TLCD4: variants seen among roughly 807,000 people sequenced by gnomAD.
The protein encoded by TLCD4 is TLC domain containing 4.
In TLCD4, 7 loss-of-function variants were observed where a neutral mutation model predicts 24.2. The ratio of observed to expected loss-of-function variants is 0.29; its 90% confidence interval spans 0.16 to 0.54. TLCD4 has a LOEUF of 0.54. TLCD4 is among the 20% of genes least tolerant of loss of function. The probability of loss-of-function intolerance (pLI) is 0.95; values close to 1 mark genes in which losing one functional copy is unlikely to be tolerated. For missense variants in TLCD4, 259 were observed against 313.9 expected (o/e 0.82, Z 1.32); for synonymous variants, 103 against 106.4 (o/e 0.97, Z 0.20).
chr1:95,168,415 G>T (rs926790646), intron 5 of TLCD4, among the ~76,000 whole-genome samples: 6 of 151,912 alleles, frequency 3.9e-5, no homozygotes, highest in African/African-American at 1.5e-4. Context: ...AACTCTAAAT[G>T]TATCAGTGTT....
chr1:95,182,075 G>C (rs1447008827), intron 6 of TLCD4, among the ~76,000 whole-genome samples: 3 of 152,126 alleles, frequency 2.0e-5, no homozygotes, highest in African/African-American at 7.2e-5. Flanking sequence ...AAGTCTTTAA[G>C]TATTGAGAGG....
intron 5 of TLCD4, among the ~76,000 whole-genome samples, chr1:95,173,341 G>A (rs1487583533): frequency 3.4e-5 from 5 of 148,984 alleles, no homozygotes; most frequent in Non-Finnish European, 7.4e-5. Context: ...ACGGAGTCTC[G>A]CTCTGTCGCC....
At chr1:95,158,284 G>T (rs1677687660) in intron 5 of TLCD4, among the ~76,000 whole-genome samples, 1 of 150,586 alleles carries the variant, frequency 6.6e-6, no homozygotes, top group African/African-American at 2.4e-5. Flanking sequence ...ACCTCCCAGG[G>T]CCAAGCGATC....
intron 5 of TLCD4, among the ~76,000 whole-genome samples, chr1:95,166,184 C>G (rs11803577): frequency 1.3e-5 from 2 of 152,114 alleles, no homozygotes; most frequent in African/African-American, 4.8e-5. Context: ...GTAGTCCACC[C>G]TAAGCTGAGG....
intron 6 of TLCD4, among the ~76,000 whole-genome samples, chr1:95,179,970 C>CAGTAT (rs1678576335): frequency 6.6e-6 from 1 of 152,204 alleles, no homozygotes; most frequent in African/African-American, 2.4e-5. Context: ...GTGTATATTA[C>CAGTAT]TATACTTAAT....
the TLCD4 span, among the ~76,000 whole-genome samples, chr1:95,111,219 T>C: frequency 6.6e-6 from 1 of 151,616 alleles, no homozygotes; most frequent in Non-Finnish European, 1.5e-5. Flanking sequence ...GCTTGAGCCC[T>C]GCAGCTCAAG....
chr1:95,163,210 CTT>C (rs1284018239), intron 5 of TLCD4: 1 of 152,136 alleles, frequency 6.6e-6, no homozygotes, highest in Admixed American at 6.5e-5. Context: ...TCTTTTTACT[CTT>C]TTTTCTCTAA....
rs1679082403 is a variant in TLCD4, at chr1:95,193,191, A to G, written c.*1323A>G. 6.6e-6 allele frequency: 1 copy of G among 152,076 alleles called. No homozygotes were observed. Among genetic ancestry groups the G allele is most frequent in the African/African-American group, 2.4e-5 (1 of 41,420 alleles). 9.4% of individuals were successfully genotyped at this position (152,076 alleles called of 1,614,324 possible). On this transcript the variant is annotated 3_prime_UTR_variant, in exon 7 of 7. Coordinates refer to ENST00000370203, the MANE Select transcript of TLCD4 (RefSeq NM_152487.3). The stretch of plus-strand genomic sequence containing the variant: ...TTACTCACAATTCATACCCGTGCTT[A>G]CTTAGTTGGCATTTTAGTGCTTTGA...
chr1:95,160,735 C>T (rs920585247), intron 5 of TLCD4, among the ~76,000 whole-genome samples: 1 of 152,132 alleles, frequency 6.6e-6, no homozygotes, highest in Non-Finnish European at 1.5e-5. Flanking sequence ...TTGTCGAAGG[C>T]CTTTTCTGCA....
the TLCD4 span, among the ~76,000 whole-genome samples, chr1:95,093,037 C>A: frequency 2.0e-5 from 3 of 152,228 alleles, no homozygotes; most frequent in East Asian, 3.8e-4. Context: ...CCACACTTGG[C>A]CTTGTACTAA....
intron 1 of TLCD4, among the ~76,000 whole-genome samples, chr1:95,137,502 A>G (rs1461901877): frequency 1.3e-5 from 2 of 152,108 alleles, no homozygotes; most frequent in Non-Finnish European, 2.9e-5. Flanking sequence ...TATATTCTCT[A>G]AGGAATCCCT....
intron 5 of TLCD4, among the ~76,000 whole-genome samples, chr1:95,156,972 G>A (rs888570507): frequency 1.3e-5 from 2 of 152,172 alleles, no homozygotes; most frequent in South Asian, 2.1e-4. Flanking sequence ...AGGATAACTC[G>A]GAAGGTAGAA....
the TLCD4 span, among the ~76,000 whole-genome samples, chr1:95,098,709 C>T: frequency 2.6e-5 from 4 of 152,064 alleles, no homozygotes; most frequent in Admixed American, 6.6e-5. Context: ...TGTGGTCTTG[C>T]GTCTCAGTGG....
intron 5 of TLCD4, among the ~76,000 whole-genome samples, chr1:95,155,034 G>A (rs1425716742): frequency 6.6e-6 from 1 of 151,956 alleles, no homozygotes; most frequent in Non-Finnish European, 1.5e-5. Flanking sequence ...GCAGTGCAGT[G>A]TAGTGTAGTA....
intron 1 of TLCD4, among the ~76,000 whole-genome samples, chr1:95,143,513 T>A (rs1677262372): frequency 6.6e-6 from 1 of 152,180 alleles, no homozygotes. Flanking sequence ...ATATCATAGA[T>A]GAGAAATTGA....
intron 6 of TLCD4, among the ~76,000 whole-genome samples, chr1:95,177,754 A>G (rs1035395658): frequency 6.6e-6 from 1 of 152,018 alleles, no homozygotes; most frequent in Non-Finnish European, 1.5e-5. Flanking sequence ...GTCAGATCTC[A>G]TAAATCCATT....
At chr1:95,109,958 T>TACAC in the TLCD4 span, among the ~76,000 whole-genome samples, 637 of 107,910 alleles carry the variant, frequency 5.9e-3, 24 homozygotes, top group Non-Finnish European at 8.8e-3. Flanking sequence ...TATATATATA[T>TACAC]ACACACACAC....
At chr1:95,126,301 G>T (rs1038494606) in intron 1 of TLCD4, among the ~76,000 whole-genome samples, 2 of 151,480 alleles carry the variant, frequency 1.3e-5, no homozygotes, top group African/African-American at 4.9e-5. Context: ...GGTGGTGCAT[G>T]CCTGTAGTTC....
chr1:95,102,379 C>T, the TLCD4 span, among the ~76,000 whole-genome samples: 1 of 152,120 alleles, frequency 6.6e-6, no homozygotes, highest in South Asian at 2.1e-4. Context: ...GGGAGTCTGA[C>T]TGACAGAATT....
Sources: gnomAD v4.1 joint callset for allele counts (sites outside exome capture counted in the v4.1 genomes callset) on GRCh38, gnomAD v4.1.1 for gene constraint, MANE v1.5 for transcripts, NCBI Gene and HGNC (gene_info 2026-07-23, HGNC 2026-07-21) for gene names.